The following SUSD5 variants were observed in gnomAD, a reference collection of about 807,000 sequenced individuals.
SUSD5 encodes sushi domain-containing protein 5.
A neutral mutation model predicts 29.5 loss-of-function variants in SUSD5; 33 were observed. That is an observed-to-expected ratio of 1.12 (90% CI 0.85 to 1.49). The LOEUF is 1.49. SUSD5 is among the 40% of genes most tolerant of loss of function. The pLI is 0.00. For missense variants in SUSD5, 776 were observed against 800.6 expected, an observed-to-expected ratio of 0.97 and a Z score of 0.37; for synonymous variants, 308 against 325.3, an observed-to-expected ratio of 0.95 and a Z score of 0.57.
intron 3 of SUSD5, among the ~76,000 whole-genome samples, chr3:33,201,118 A>C (rs566122567): frequency 6.6e-5 from 10 of 152,338 alleles, no homozygotes; most frequent in Admixed American, 3.3e-4. Flanking sequence ...GACTGCTACT[A>C]AGTGACTCTT....
At chr3:33,183,084 C>T (rs1209918438) in intron 3 of SUSD5, among the ~76,000 whole-genome samples, 1 of 152,146 alleles carries the variant, frequency 6.6e-6, no homozygotes, top group Non-Finnish European at 1.5e-5. Flanking sequence ...CGTGAGCCAC[C>T]ACACCCAGCT....
chr3:33,211,344 G>A (rs773889328), intron 2 of SUSD5, among the ~76,000 whole-genome samples: 8 of 152,220 alleles, frequency 5.3e-5, no homozygotes, highest in South Asian at 2.1e-4. Flanking sequence ...AGTTGCAAGC[G>A]GTCTCTTCAG....
intron 1 of SUSD5, among the ~76,000 whole-genome samples, chr3:33,216,504 T>A (rs1340494375): frequency 6.6e-6 from 1 of 152,154 alleles, no homozygotes; most frequent in African/African-American, 2.4e-5. Context: ...GGCAAAGATA[T>A]TATAAAAAAT....
In SUSD5 at chr3:33,168,125, G is replaced by T. The variant is rs556105647; in HGVS notation, c.598+6761C>A. Among the ~76,000 whole-genome samples the T allele has an allele frequency of 3.3e-5, 5 of 152,300 alleles. No homozygotes were observed. In the South Asian group the frequency reaches 6.2e-4, roughly 19 times the overall value. On this transcript the variant is annotated intron_variant, in intron 4 of 4. Coordinates refer to ENST00000309558, the MANE Select transcript of SUSD5 (RefSeq NM_015551.2). ...ACTGCTTGTGTATTTTATCAGAGTG[G>T]GATGTGGCTGGGGGCTGCAGGAGAC...
chr3:33,159,227 G>T (rs557946296), intron 4 of SUSD5, among the ~76,000 whole-genome samples: 3 of 152,266 alleles, frequency 2.0e-5, no homozygotes, highest in Non-Finnish European at 4.4e-5. Flanking sequence ...CTGTCCTCAT[G>T]GACCACCATC....
chr3:33,172,520 C>T (rs530805816), intron 4 of SUSD5, among the ~76,000 whole-genome samples: 6 of 152,238 alleles, frequency 3.9e-5, no homozygotes, highest in South Asian at 2.1e-4. Context: ...TGCTTCAAGG[C>T]GACATATTGG....
intron 4 of SUSD5, among the ~76,000 whole-genome samples, chr3:33,171,332 C>T (rs28733500): frequency 0.41 from 61,055 of 148,506 alleles, 12,876 homozygotes; most frequent in East Asian, 0.72. Context: ...GGCGACAGAG[C>T]GAGACTCCTT....
intron 4 of SUSD5, among the ~76,000 whole-genome samples, chr3:33,168,751 G>A (rs2031360431): frequency 6.6e-6 from 1 of 152,244 alleles, no homozygotes; most frequent in Admixed American, 6.5e-5. Context: ...CTGGGTTCAA[G>A]TGATTTCTGT....
chr3:33,171,847 A>G (rs2031433377), intron 4 of SUSD5, among the ~76,000 whole-genome samples: 1 of 152,110 alleles, frequency 6.6e-6, no homozygotes, highest in South Asian at 2.1e-4. Flanking sequence ...CTGGAAACAC[A>G]CTTCCTGTAA....
intron 3 of SUSD5, among the ~76,000 whole-genome samples, chr3:33,203,632 C>T (rs567546351): frequency 6.6e-6 from 1 of 152,318 alleles, no homozygotes; most frequent in Admixed American, 6.5e-5. Context: ...TCATCTAAAG[C>T]ATGCAGTTCT....
In SUSD5 at chr3:33,179,546, T is replaced by C. The variant is rs150757861; in HGVS notation, c.410-4472A>G. Among the ~76,000 whole-genome samples, 558 of 152,326 alleles carry C rather than the reference T, an allele frequency of 3.7e-3. 5 individuals are homozygous for C. Among genetic ancestry groups the C allele is most frequent in the Middle Eastern group, 0.027 (8 of 294 alleles). ...AGGCAGAACCTCTCTGGAATATAGG[T>C]CTTATGACCTATTACCAAACAAGGT... On this transcript the variant is annotated intron_variant, in intron 3 of 4. Coordinates refer to ENST00000309558, the MANE Select transcript of SUSD5 (RefSeq NM_015551.2).
At chr3:33,162,343 A>G (rs1301015249) in intron 4 of SUSD5, among the ~76,000 whole-genome samples, 1 of 152,242 alleles carries the variant, frequency 6.6e-6, no homozygotes, top group East Asian at 1.9e-4. Context: ...CTATGTGAGA[A>G]AAGAAGAAAG....
intron 3 of SUSD5, chr3:33,190,334 G>A (rs7630970): frequency 0.6 from 93,079 of 156,066 alleles, 28,005 homozygotes; most frequent in South Asian, 0.66. Flanking sequence ...TATTTTTAAC[G>A]TGGTTTTTAC....
chr3:33,168,416 A>G, intron 4 of SUSD5: 1 of 714,932 alleles, frequency 1.4e-6, no homozygotes, highest in Non-Finnish European at 1.7e-6. Context: ...GCCTTCTTCT[A>G]TGAAGGAAAT....
chr3:33,175,032 A>T lies in SUSD5; in HGVS notation c.452T>A (p.Leu151Gln). 6.2e-7 allele frequency: 1 copy of T among 1,614,060 alleles called. No individual in the cohort carries two copies. The highest frequency in any genetic ancestry group is 1.3e-5 in the African/African-American group (1 of 75,060). ...CATTTCCAAGCCGGTGCGGCCCTGC[A>T]GGATGGTGTGTGGGAACGAAGGCGG... ...GDPPSFPHTI[L>Q]QGRTGLEMGD... Residue 151 changes from leucine to glutamine, a missense_variant, in exon 4 of 5, where the codon CTG becomes CAG. Transcript: ENST00000309558.
chr3:33,191,854 AG>A (rs1276912397), intron 3 of SUSD5, among the ~76,000 whole-genome samples: 4 of 152,130 alleles, frequency 2.6e-5, no homozygotes, highest in Non-Finnish European at 5.9e-5. Flanking sequence ...CTGAGGTGGG[AG>A]GATCTGTTGA....
intron 2 of SUSD5, among the ~76,000 whole-genome samples, chr3:33,211,159 G>A (rs1298535372): frequency 6.6e-6 from 1 of 152,188 alleles, no homozygotes; most frequent in African/African-American, 2.4e-5. Context: ...CTCCCAAAAT[G>A]CTAGGATTAC....
chr3:33,217,550 T>C (rs574109925), intron 1 of SUSD5, among the ~76,000 whole-genome samples: 1 of 152,340 alleles, frequency 6.6e-6, no homozygotes, highest in East Asian at 1.9e-4. Flanking sequence ...ACACTCTCTC[T>C]GAGGATATGG....
chr3:33,202,025 TATC>T (rs892491860), intron 3 of SUSD5, among the ~76,000 whole-genome samples: 5 of 10,840 alleles, frequency 4.6e-4, no homozygotes, highest in Non-Finnish European at 8.0e-4. Context: ...GGGGAGAAGT[TATC>T]TATCTATCTA....
Sources: gnomAD v4.1 joint callset for allele counts (sites outside exome capture counted in the v4.1 genomes callset) on GRCh38, gnomAD v4.1.1 for gene constraint, MANE v1.5 for transcripts, NCBI Gene and HGNC (gene_info 2026-07-23, HGNC 2026-07-21) for gene names.